NOVA2: variants seen among roughly 807,000 people sequenced by gnomAD.
The protein encoded by NOVA2 is NOVA alternative splicing regulator 2.
NOVA2 carries 9 observed loss-of-function variants against 22.5 expected under a neutral mutation model. The observed-to-expected ratio is 0.40, with a 90% confidence interval of 0.24 to 0.70. The LOEUF (loss-of-function observed/expected upper bound fraction) is 0.70, where lower values mean the gene tolerates loss of function less well. Ranked by LOEUF, NOVA2 falls within the 30% of genes least tolerant of loss-of-function variation. The pLI is 0.38. For missense variants in NOVA2, 383 were observed against 682.8 expected, an observed-to-expected ratio of 0.56 and a Z score of 4.89; for synonymous variants, 318 against 335.2, an observed-to-expected ratio of 0.95 and a Z score of 0.56.
At chr19:45,972,141 C>T (rs1235454829) in intron 1 of NOVA2, among the ~76,000 whole-genome samples, 1 of 152,010 alleles carries the variant, frequency 6.6e-6, no homozygotes, top group Non-Finnish European at 1.5e-5. Context: ...GTCATATGCA[C>T]ACGTGCCCTG....
chr19:45,953,304 T>A (rs528585169), intron 3 of NOVA2, among the ~76,000 whole-genome samples: 61 of 152,296 alleles, frequency 4.0e-4, no homozygotes, highest in Non-Finnish European at 7.1e-4. Flanking sequence ...GACCCACCTC[T>A]TCTCTCGCTA....
chr19:45,953,666 G>C, intron 3 of NOVA2, 114 bp downstream of exon 3: 1 of 1,319,390 alleles, frequency 7.6e-7, no homozygotes, highest in Non-Finnish European at 1.1e-6. Context: ...TTTGACTGAT[G>C]AGATTTTTAT....
chr19:45,962,849 T>C (rs1289557508), intron 1 of NOVA2, among the ~76,000 whole-genome samples: 1 of 152,078 alleles, frequency 6.6e-6, no homozygotes, highest in African/African-American at 2.4e-5. Context: ...GGTTTCGCCA[T>C]GTTGGTCAGG....
At position 45,937,090 on chromosome 19, in the gene NOVA2, G is replaced by A. The variant is rs1024712083; in HGVS notation, c.*2773C>T. ...CTCTCTGCTCACCAACATGGTGAGT[G>A]AACTAGCTCACTGAGCTAGCAAAGT... On this transcript the variant is annotated 3_prime_UTR_variant, in exon 4 of 4. Transcript: ENST00000263257. 2 of 152,110 alleles carry A rather than the reference G, an allele frequency of 1.3e-5. No homozygotes were observed. Among genetic ancestry groups the A allele is most frequent in the African/African-American group, 2.4e-5 (1 of 41,396 alleles). The allele number at this position is 152,110 out of a possible 1,614,324, so 9.4% of individuals were successfully genotyped here.
chr19:45,950,890 G>C (rs919241488), intron 3 of NOVA2, among the ~76,000 whole-genome samples: 5 of 152,130 alleles, frequency 3.3e-5, no homozygotes, highest in Non-Finnish European at 7.3e-5. Context: ...TTCTAGATTG[G>C]GAAATGGAGG....
At chr19:45,950,935 G>A (rs1322330008) in intron 3 of NOVA2, among the ~76,000 whole-genome samples, 1 of 152,158 alleles carries the variant, frequency 6.6e-6, no homozygotes, top group Non-Finnish European at 1.5e-5. Flanking sequence ...TCTTTCACAG[G>A]TAATGAGCAG....
Position 45,940,512 on chromosome 19 carries a change from A to G in NOVA2, c.830T>C (p.Leu277Pro). Residue 277 changes from leucine to proline, a missense_variant, in exon 4 of 4, where the codon CTG (leucine) becomes CCG (proline). Coordinates refer to ENST00000263257, the MANE Select transcript of NOVA2 (RefSeq NM_002516.4). Reference sequence around the variant, plus strand: ...CGTGTTAAGCGCCGTGCTGATGGCCAGCAGGTCGGTGCCTGAGAAGGCGGG... The same window carrying G: ...CGTGTTAAGCGCCGTGCTGATGGCCGGCAGGTCGGTGCCTGAGAAGGCGGG... Reference protein sequence around the residue: ...ALPAFSGTDLLAISTALNTLA... With the variant: ...ALPAFSGTDLPAISTALNTLA... 6.6e-7 allele frequency: 1 copy of G among 1,518,234 alleles called. No homozygotes were observed. The highest frequency in any genetic ancestry group is 1.2e-5 in the South Asian group (1 of 83,270). 94.0% of individuals were successfully genotyped at this position (1,518,234 alleles called of 1,614,324 possible). A position where few individuals can be genotyped will look rare whatever the true frequency, so the allele number is the denominator to read the frequency against.
chr19:45,940,467 T>C lies in NOVA2; in HGVS notation c.875A>G (p.Asn292Ser). 1.3e-6 allele frequency: 2 copies of C among 1,536,104 alleles called. No homozygotes were observed. The highest frequency in any genetic ancestry group is 1.8e-6 in the Non-Finnish European group (2 of 1,141,944). The change falls in exon 4 of 4, where the codon AAC (asparagine) becomes AGC (serine). Residue 292 changes from asparagine (N) to serine (S), a missense_variant. Around this residue, in one of 2 missense-constraint regions of NOVA2, gnomAD observed 349 missense variants for 578.1 expected, o/e 0.60. Coordinates refer to ENST00000263257, the MANE Select transcript of NOVA2 (RefSeq NM_002516.4). ...ALNTLASYGY[N>S]TNSLGLGLNS... ...GAGGCCCAGGCCCAGGGAGTTGGTG[T>C]TGTAGCCGTAACTTGCCAGCGTGTT... is the stretch of plus-strand genomic sequence containing the variant.
chr19:45,959,639 A>G (rs1818458938), intron 2 of NOVA2, among the ~76,000 whole-genome samples: 1 of 151,856 alleles, frequency 6.6e-6, no homozygotes, highest in South Asian at 2.1e-4. Context: ...ATTTTTCTCT[A>G]AACCTCTTGC....
intron 1 of NOVA2, among the ~76,000 whole-genome samples, chr19:45,969,473 C>T (rs1968206533): frequency 7.8e-6 from 1 of 128,774 alleles, no homozygotes; most frequent in African/African-American, 2.9e-5. Context: ...CACCACTACA[C>T]TCCAAGCCTG....
chr19:45,954,080 G>T lies in NOVA2; in HGVS notation c.230-134C>A, dbSNP rs1967967428. On this transcript the variant is annotated intron_variant, in intron 2 of 3. Transcript: ENST00000263257. ...CCTGACTGATCACACGGTGAGCCTG[G>T]GGGAGCGGGCATGGGCTGGCAGGCC... 6 of 957,186 alleles carry T rather than the reference G, an allele frequency of 6.3e-6. No individual in the cohort carries two copies. The African/African-American group carries it at 8.2e-5, about 13-fold the overall frequency. 59.3% of individuals were successfully genotyped at this position (957,186 alleles called of 1,614,324 possible).
chr19:45,947,308 C>T (rs767766001), intron 3 of NOVA2, among the ~76,000 whole-genome samples: 8 of 151,918 alleles, frequency 5.3e-5, no homozygotes, highest in African/African-American at 7.3e-5. Flanking sequence ...GACACGCCCA[C>T]AGGCCCAAGC....
rs770252016 is a variant in NOVA2 at position 45,940,618 on chromosome 19, C to A, written c.724G>T (p.Ala242Ser). 4 of 1,443,706 alleles carry A rather than the reference C, an allele frequency of 2.8e-6. No homozygotes were observed. The highest frequency in any genetic ancestry group is 2.7e-6 in the Non-Finnish European group (3 of 1,111,738). 89.4% of individuals were successfully genotyped at this position (1,443,706 alleles called of 1,614,324 possible). ...ASPADVLPAA[A>S]AASAAAASGL... is the part of the protein sequence containing the mutation. ...GAGGCGGCGGCGGCCGACGCTGCGG[C>A]CGCGGCTGGCAGCACATCCGCGGGG... The change falls in exon 4 of 4, where the codon GCC (alanine) becomes TCC (serine). Residue 242 changes from alanine (A) to serine (S), a missense_variant. Physicochemically the swap from Ala to Ser is moderately conservative, Grantham distance 99. Coordinates refer to ENST00000263257, the MANE Select transcript of NOVA2 (RefSeq NM_002516.4).
In NOVA2 at chr19:45,936,359, T is replaced by G. The variant is rs1967652245; in HGVS notation, c.*3504A>C. 1 of 151,522 alleles carries G rather than the reference T, an allele frequency of 6.6e-6. No homozygotes were observed. Among genetic ancestry groups the G allele is most frequent in the Non-Finnish European group, 1.5e-5 (1 of 67,866 alleles). 9.4% of individuals were successfully genotyped at this position (151,522 alleles called of 1,614,324 possible). On this transcript the variant is annotated 3_prime_UTR_variant, in exon 4 of 4. Transcript: ENST00000263257. The stretch of plus-strand genomic sequence containing the variant: ...GGGTAAGTTGAAAAGGAGAGCTTTT[T>G]TCTGTCTTTTTTTTTTTTTCTTACA...
chr19:45,953,623 C>T (rs1967959847), intron 3 of NOVA2, among the ~76,000 whole-genome samples, 157 bp downstream of exon 3: 1 of 152,172 alleles, frequency 6.6e-6, no homozygotes, highest in South Asian at 2.1e-4. Context: ...GAGCTGACTC[C>T]CTAAAAATAA....
intron 3 of NOVA2, 141 bp from the exon 4 acceptor site, chr19:45,941,086 TC>T: frequency 1.3e-6 from 1 of 783,068 alleles, no homozygotes; most frequent in Non-Finnish European, 2.0e-6. Context: ...GGTCAGGAGT[TC>T]CAGACTAGCC....
chr19:45,964,179 CTTTT>C (rs10555207), intron 1 of NOVA2, among the ~76,000 whole-genome samples: 3 of 106,954 alleles, frequency 2.8e-5, no homozygotes, highest in Non-Finnish European at 4.0e-5. Flanking sequence ...TTTTCTTTTT[CTTTT>C]TTTTTTTTTT....
Position 45,942,455 on chromosome 19 carries a change from A to G in NOVA2, c.397-1510T>C, listed in dbSNP as rs187751711. ...TGGACTTCTGGCCTCCAGAATCATGAGATATAAATACCTGTTGTTTAGACC... is the reference window on the plus strand; with the variant it reads ...TGGACTTCTGGCCTCCAGAATCATGGGATATAAATACCTGTTGTTTAGACC... On this transcript the variant is annotated intron_variant, in intron 3 of 3. Coordinates refer to ENST00000263257, the MANE Select transcript of NOVA2 (RefSeq NM_002516.4). Among the ~76,000 whole-genome samples, 292 of 152,240 alleles carry G rather than the reference A, an allele frequency of 1.9e-3. 2 individuals are homozygous for G. Among genetic ancestry groups the G allele is most frequent in the Non-Finnish European group, 2.5e-3 (167 of 68,018 alleles).
At position 45,953,952 on chromosome 19, in the gene NOVA2, G is replaced by A. The variant is rs1376426585; in HGVS notation, c.230-6C>T. 3 of 1,613,634 alleles carry A rather than the reference G, an allele frequency of 1.9e-6. No individual in the cohort carries two copies. Among genetic ancestry groups the A allele is most frequent in the Non-Finnish European group, 2.5e-6 (3 of 1,179,680 alleles). The stretch of plus-strand genomic sequence containing the variant: ...GCATACCCGCTCTGTGGTTCCTGTT[G>A]AGCAAGGGAGAGAGAGGGCACACTC... On this transcript the variant is annotated splice_region_variant and splice_polypyrimidine_tract_variant and intron_variant, in intron 2 of 3. Transcript: ENST00000263257.
Sources: gnomAD v4.1 joint callset for allele counts (sites outside exome capture counted in the v4.1 genomes callset) on GRCh38, gnomAD v4.1.1 for gene constraint, gnomAD v4.1.1 regional missense constraint, MANE v1.5 for transcripts, NCBI Gene and HGNC (gene_info 2026-07-23, HGNC 2026-07-21) for gene names.